NPAS3: variants seen among roughly 807,000 people sequenced by gnomAD.
The protein encoded by NPAS3 is neuronal PAS domain-containing protein 3.
NPAS3 carries 14 observed loss-of-function variants against 73.1 expected under a neutral mutation model. The ratio of observed to expected loss-of-function variants is 0.19; its 90% CI spans 0.13 to 0.30. The LOEUF (loss-of-function observed/expected upper bound fraction) is 0.30. Among genes scored for constraint, NPAS3 ranks in the 10% least tolerant of loss-of-function variants. The pLI is 1.00. For synonymous variants in NPAS3, 620 were observed against 541.5 expected, an observed-to-expected ratio of 1.14 and a Z score of -2.01; for missense variants, 1,096 against 1,250.0, an observed-to-expected ratio of 0.88 and a Z score of 1.86.
intron 1 of NPAS3, among the ~76,000 whole-genome samples, chr14:32,997,196 G>C (rs568002506): frequency 6.6e-6 from 1 of 152,336 alleles, no homozygotes; most frequent in African/African-American, 2.4e-5. Flanking sequence ...ATTTGGAATA[G>C]CTGTATTTAC....
chr14:33,617,356 C>T (rs2057950663), intron 5 of NPAS3, among the ~76,000 whole-genome samples: 1 of 152,126 alleles, frequency 6.6e-6, no homozygotes, highest in African/African-American at 2.4e-5. Context: ...CAGTTGAAGG[C>T]CATGGGATGA....
At chr14:32,989,600 C>G (rs532870792) in intron 1 of NPAS3, among the ~76,000 whole-genome samples, 15 of 151,858 alleles carry the variant, frequency 9.9e-5, no homozygotes, top group East Asian at 4.0e-4. Context: ...AGCCGAGAGC[C>G]CGCCACTGCA....
chr14:32,975,896 T>TGTGTGA lies in NPAS3; in HGVS notation c.50+36531_50+36532insTGTGAG, dbSNP rs374916231. Among the ~76,000 whole-genome samples, 537 of 142,274 alleles carry TGTGTGA rather than the reference T, an allele frequency of 3.8e-3. 3 individuals carry two copies. Among genetic ancestry groups the TGTGTGA allele is most frequent in the African/African-American group, 0.013 (488 of 38,502 alleles). The allele number at this position is 142,274 out of a possible 152,430, so 93.3% of individuals were successfully genotyped here. A position where few individuals can be genotyped will look rare whatever the true frequency, so the allele number is the denominator to read the frequency against. On this transcript the variant is annotated intron_variant, in intron 1 of 11. Transcript: ENST00000356141. Reference sequence around the variant, plus strand: ...GTGTGTGTGTGTGTGTGTGTGTGTGTGAGAGAGAGAGAGTTTGCAGACACG... The same window carrying TGTGTGA: ...GTGTGTGTGTGTGTGTGTGTGTGTGTGTGTGAGAGAGAGAGAGAGTTTGCAGACACG...
intron 2 of NPAS3, among the ~76,000 whole-genome samples, chr14:33,210,463 G>A (rs978461928): frequency 6.6e-6 from 1 of 152,278 alleles, no homozygotes; most frequent in South Asian, 2.1e-4. Flanking sequence ...GGCAGCTGCT[G>A]TGCAGCTTCC....
At chr14:33,205,555 G>C (rs775312821) in intron 2 of NPAS3, among the ~76,000 whole-genome samples, 22 of 152,114 alleles carry the variant, frequency 1.4e-4, no homozygotes, top group Non-Finnish European at 3.2e-4. Flanking sequence ...AAATAACAAT[G>C]TGTCTTAAAA....
intron 1 of NPAS3, among the ~76,000 whole-genome samples, chr14:33,030,600 C>G (rs1450176940): frequency 6.6e-6 from 1 of 152,138 alleles, no homozygotes; most frequent in Non-Finnish European, 1.5e-5. Context: ...TCACCCAGAT[C>G]AGACTCAATG....
intron 5 of NPAS3, among the ~76,000 whole-genome samples, chr14:33,637,953 T>C (rs1032426822): frequency 6.6e-6 from 1 of 152,194 alleles, no homozygotes; most frequent in Non-Finnish European, 1.5e-5. Flanking sequence ...TGTTCCCTCA[T>C]GCCATGTGTC....
At chr14:33,631,015 A>G (rs915461614) in intron 5 of NPAS3, among the ~76,000 whole-genome samples, 3 of 152,164 alleles carry the variant, frequency 2.0e-5, no homozygotes, top group African/African-American at 7.2e-5. Context: ...TCTTATTTAC[A>G]TTTTCAGAAG....
chr14:33,283,433 C>T (rs574549625), intron 3 of NPAS3, among the ~76,000 whole-genome samples: 1 of 152,272 alleles, frequency 6.6e-6, no homozygotes, highest in East Asian at 1.9e-4. Flanking sequence ...TGATTGAGGT[C>T]ACTCAAACTT....
intron 3 of NPAS3, among the ~76,000 whole-genome samples, chr14:33,284,802 ATC>A (rs1169911091): frequency 1.1e-4 from 16 of 141,746 alleles, no homozygotes; most frequent in Admixed American, 2.8e-4. Flanking sequence ...CTATCTATCT[ATC>A]TATCTATCTA....
At chr14:33,111,599 T>C (rs1320867892) in intron 2 of NPAS3, among the ~76,000 whole-genome samples, 2 of 152,102 alleles carry the variant, frequency 1.3e-5, no homozygotes, top group Admixed American at 1.3e-4. Context: ...TGAATTTACT[T>C]TGCATCATTT....
At chr14:33,680,519 A>G in intron 6 of NPAS3, 2 of 683,518 alleles carry the variant, frequency 2.9e-6, no homozygotes, top group South Asian at 3.2e-5. Context: ...TCTTTCTAAA[A>G]TAAGATTGTA....
At chr14:33,613,744 T>A (rs903604271) in intron 5 of NPAS3, among the ~76,000 whole-genome samples, 3 of 152,172 alleles carry the variant, frequency 2.0e-5, no homozygotes, top group Non-Finnish European at 4.4e-5. Flanking sequence ...TCAATTTACC[T>A]CTTTGTCAAA....
chr14:33,387,209 G>A (rs2046809189), intron 4 of NPAS3, among the ~76,000 whole-genome samples: 1 of 152,158 alleles, frequency 6.6e-6, no homozygotes, highest in Admixed American at 6.5e-5. Context: ...TGTCAGATGA[G>A]TAATAATCAT....
chr14:33,768,288 C>T (rs1017982835), intron 7 of NPAS3, among the ~76,000 whole-genome samples: 1 of 152,138 alleles, frequency 6.6e-6, no homozygotes, highest in African/African-American at 2.4e-5. Flanking sequence ...ACATGAGGAT[C>T]GAGCTCTTAT....
chr14:33,117,201 G>T (rs767127111), intron 2 of NPAS3, among the ~76,000 whole-genome samples: 50 of 152,060 alleles, frequency 3.3e-4, no homozygotes, highest in Middle Eastern at 3.4e-3. Context: ...TTTCTTGGTG[G>T]TGGGGACATC....
chr14:33,093,302 G>T (rs959964957), intron 2 of NPAS3, among the ~76,000 whole-genome samples: 1,640 of 152,234 alleles, frequency 0.011, 29 homozygotes, highest in African/African-American at 0.038. Flanking sequence ...ATCAAAAAGT[G>T]GGCAAAGGTT....
intron 6 of NPAS3, among the ~76,000 whole-genome samples, chr14:33,716,816 C>T (rs2060969338): frequency 6.6e-6 from 1 of 152,072 alleles, no homozygotes; most frequent in African/African-American, 2.4e-5. Flanking sequence ...GCCGCCCCCA[C>T]CCGACGATGG....
At chr14:33,409,593 T>C (rs2047827489) in intron 4 of NPAS3, among the ~76,000 whole-genome samples, 1 of 152,168 alleles carries the variant, frequency 6.6e-6, no homozygotes, top group Non-Finnish European at 1.5e-5. Context: ...TCTTTTAAAA[T>C]GTGGAAAAGT....
Sources: allele counts gnomAD v4.1 joint callset (sites outside exome capture counted in the v4.1 genomes callset), GRCh38; gene constraint gnomAD v4.1.1; transcripts MANE v1.5; gene names NCBI Gene and HGNC (gene_info 2026-07-23, HGNC 2026-07-21).